Variants in DTNA observed in about 807,000 individuals in gnomAD.
DTNA encodes dystrophin-related protein 3.
DTNA carries 43 observed loss-of-function variants against 100.7 expected under a neutral mutation model. The ratio of observed to expected loss-of-function variants is 0.43; its 90% CI spans 0.33 to 0.55. The LOEUF (loss-of-function observed/expected upper bound fraction) is 0.55. Ranked by LOEUF, DTNA falls within the 20% of genes least tolerant of loss-of-function variation. The pLI is 0.04. For synonymous variants in DTNA, 349 were observed against 347.9 expected (o/e 1.00, Z -0.04); for missense variants, 798 against 953.9 (o/e 0.84, Z 2.15).
chr18:34,663,531 C>T (rs1214974686), intron 1 of DTNA, among the ~76,000 whole-genome samples: 10 of 152,044 alleles, frequency 6.6e-5, no homozygotes, highest in African/African-American at 1.2e-4. Flanking sequence ...TGTTGAGGTG[C>T]GGTAGTTGTC....
chr18:34,700,846 T>C (rs1025757648), intron 1 of DTNA, among the ~76,000 whole-genome samples: 3 of 152,226 alleles, frequency 2.0e-5, no homozygotes, highest in African/African-American at 4.8e-5. Context: ...TCTTACTTCA[T>C]TGAAAACATA....
intron 1 of DTNA, among the ~76,000 whole-genome samples, chr18:34,622,739 A>G (rs1371415677): frequency 6.6e-6 from 1 of 152,156 alleles, no homozygotes; most frequent in Non-Finnish European, 1.5e-5. Context: ...GACTTACGTT[A>G]TTCCTCGTGC....
At chr18:34,586,062 TG>T (rs1206995315) in intron 1 of DTNA, among the ~76,000 whole-genome samples, 1 of 152,210 alleles carries the variant, frequency 6.6e-6, no homozygotes, top group Non-Finnish European at 1.5e-5. Context: ...GCTTTACACC[TG>T]TTACTGCTAA....
chr18:34,706,859 T>G (rs1261886456), upstream of DTNA, among the ~76,000 whole-genome samples: 1 of 152,190 alleles, frequency 6.6e-6, no homozygotes, highest in Non-Finnish European at 1.5e-5. Flanking sequence ...ATTTTTTAGG[T>G]CAGCTGCTCA....
chr18:34,536,180 T>C (rs1368422956), intron 1 of DTNA, among the ~76,000 whole-genome samples: 2 of 152,050 alleles, frequency 1.3e-5, no homozygotes, highest in African/African-American at 2.4e-5. Context: ...AAATAGATGC[T>C]TGTAATTTGT....
intron 1 of DTNA, among the ~76,000 whole-genome samples, chr18:34,599,835 G>T (rs555654485): frequency 4.6e-5 from 7 of 151,974 alleles, no homozygotes; most frequent in Non-Finnish European, 1.0e-4. Flanking sequence ...CCGCCACCAC[G>T]CCTAGCTAAT....
At chr18:34,620,651 G>A (rs2056308887) in intron 1 of DTNA, among the ~76,000 whole-genome samples, 1 of 152,150 alleles carries the variant, frequency 6.6e-6, no homozygotes, top group Non-Finnish European at 1.5e-5. Context: ...GAGGAAGCAG[G>A]CACATCTCAC....
intron 1 of DTNA, among the ~76,000 whole-genome samples, chr18:34,687,542 AG>A (rs1308475103): frequency 2.0e-5 from 3 of 152,120 alleles, no homozygotes; most frequent in Non-Finnish European, 2.9e-5. Context: ...GCATTTGTTG[AG>A]GAGTGTTTTG....
At chr18:34,871,154 T>G (rs1486668082) in intron 17 of DTNA, among the ~76,000 whole-genome samples, 1 of 152,178 alleles carries the variant, frequency 6.6e-6, no homozygotes, top group Non-Finnish European at 1.5e-5. Flanking sequence ...GATATATAAT[T>G]CTCTGCTGTT....
chr18:34,742,921 G>C (rs377757312), intron 1 of DTNA, among the ~76,000 whole-genome samples: 1 of 151,926 alleles, frequency 6.6e-6, no homozygotes, highest in Non-Finnish European at 1.5e-5. Context: ...CTGCCTCACC[G>C]GGACAATGCA....
intron 1 of DTNA, among the ~76,000 whole-genome samples, chr18:34,748,898 T>C (rs549204261): frequency 3.9e-5 from 6 of 152,332 alleles, no homozygotes; most frequent in Non-Finnish European, 8.8e-5. Flanking sequence ...TTGGGCACAA[T>C]GGTCATTTTC....
intron 17 of DTNA, among the ~76,000 whole-genome samples, chr18:34,870,445 G>A (rs945666696): frequency 6.6e-6 from 1 of 152,062 alleles, no homozygotes; most frequent in Admixed American, 6.5e-5. Context: ...CAAAAGCGAG[G>A]GAGAGGGATA....
Position 34,537,608 on chromosome 18 carries a change from AT to A in DTNA, c.-2+44098del, listed in dbSNP as rs372140838. Among the ~76,000 whole-genome samples, 632 of 152,152 alleles carry A rather than the reference AT, an allele frequency of 4.2e-3. 1 individual carries two copies. Among genetic ancestry groups the A allele is most frequent in the African/African-American group, 0.015 (608 of 41,568 alleles). On this transcript the variant is annotated intron_variant, in intron 1 of 19. Coordinates refer to the DTNA transcript ENST00000283365. ...CACCTCAATGCATTTAAATTCTGAAATTTTAGGCATCTCAAATGTGATAAAT... is the reference window on the plus strand; with the variant it reads ...CACCTCAATGCATTTAAATTCTGAAATTTAGGCATCTCAAATGTGATAAAT...
At chr18:34,636,639 G>T (rs1208425824) in intron 1 of DTNA, among the ~76,000 whole-genome samples, 1 of 152,160 alleles carries the variant, frequency 6.6e-6, no homozygotes, top group African/African-American at 2.4e-5. Context: ...GATGAAGAGT[G>T]TATTGATTTT....
chr18:34,744,276 C>A (rs1337755322), intron 1 of DTNA, among the ~76,000 whole-genome samples: 1 of 152,158 alleles, frequency 6.6e-6, no homozygotes, highest in Non-Finnish European at 1.5e-5. Flanking sequence ...GCAACCCTCT[C>A]CATCCTCACT....
chr18:34,807,698 C>G (rs1197569964), intron 5 of DTNA, among the ~76,000 whole-genome samples: 1 of 152,024 alleles, frequency 6.6e-6, no homozygotes, highest in African/African-American at 2.4e-5. Flanking sequence ...CAAAGACAGC[C>G]AGGATTCAGA....
chr18:34,674,911 A>G (rs746738791), intron 1 of DTNA, among the ~76,000 whole-genome samples: 11 of 152,180 alleles, frequency 7.2e-5, no homozygotes, highest in Non-Finnish European at 1.6e-4. Flanking sequence ...TGGCAGCACT[A>G]AGGACTGGAA....
chr18:34,768,161 G>A (rs1449138475), intron 3 of DTNA, among the ~76,000 whole-genome samples: 1 of 152,106 alleles, frequency 6.6e-6, no homozygotes, highest in Non-Finnish European at 1.5e-5. Context: ...CACTACAATG[G>A]CCTCAGAATT....
intron 17 of DTNA, chr18:34,868,002 T>C (rs1359997899): frequency 2.0e-6 from 2 of 985,274 alleles, no homozygotes; most frequent in East Asian, 2.3e-4. Context: ...ACAAGCCTCT[T>C]TTCAAAAAGG....
Sources: allele counts gnomAD v4.1 joint callset (sites outside exome capture counted in the v4.1 genomes callset), GRCh38; gene constraint gnomAD v4.1.1; transcripts MANE v1.5; gene names NCBI Gene and HGNC (gene_info 2026-07-23, HGNC 2026-07-21).